The following POR variants were observed in gnomAD, a reference collection of about 807,000 sequenced individuals.
POR encodes NADPH--cytochrome P450 reductase.
A neutral mutation model predicts 84.0 loss-of-function variants in POR; 56 were observed. The ratio of observed to expected loss-of-function variants is 0.67; its 90% CI spans 0.54 to 0.83. The LOEUF (loss-of-function observed/expected upper bound fraction) is 0.83. POR is among the 40% of genes least tolerant of loss of function. The pLI, the probability that POR is intolerant of heterozygous loss-of-function variation, is 0.00. For synonymous variants in POR, 414 were observed against 400.5 expected (o/e 1.03, Z -0.40); for missense variants, 938 against 944.3 (o/e 0.99, Z 0.09).
intron 2 of POR, among the ~76,000 whole-genome samples, chr7:75,964,305 A>ATTTTTCTT (rs1788073921): frequency 6.7e-6 from 1 of 148,262 alleles, no homozygotes; most frequent in Non-Finnish European, 1.5e-5. Context: ...CAGCCTAAGC[A>ATTTTTCTT]TTTTTCTTTT....
intron 7 of POR, 119 bp downstream of exon 7, chr7:75,981,725 G>T: frequency 4.9e-6 from 4 of 808,266 alleles, no homozygotes; most frequent in Non-Finnish European, 7.7e-6. Flanking sequence ...TCCGTCATAG[G>T]GTCGAGGAGG....
chr7:75,944,860 T>G (rs959039641), intron 1 of POR, among the ~76,000 whole-genome samples: 15 of 151,766 alleles, frequency 9.9e-5, no homozygotes, highest in Middle Eastern at 3.2e-3. Flanking sequence ...CAACAGAAAA[T>G]AGACTGAAAA....
At chr7:75,967,914 T>C in intron 2 of POR, 1 of 391,060 alleles carries the variant, frequency 2.6e-6, no homozygotes, top group Non-Finnish European at 5.2e-6. Flanking sequence ...GAGAGGACTT[T>C]GGGGTGTCCA....
intron 2 of POR, among the ~76,000 whole-genome samples, chr7:75,957,245 G>A (rs1554553855): frequency 6.6e-6 from 1 of 152,152 alleles, no homozygotes; most frequent in African/African-American, 2.4e-5. Context: ...CCTGCAGGAG[G>A]GGTGTTGGGC....
At chr7:75,926,446 G>A (rs568951812) in intron 1 of POR, among the ~76,000 whole-genome samples, 1 of 152,162 alleles carries the variant, frequency 6.6e-6, no homozygotes, top group South Asian at 2.1e-4. Flanking sequence ...GCCATTGAGG[G>A]AGAAGCATTG....
chr7:75,932,726 T>A (rs1363617329), intron 1 of POR, among the ~76,000 whole-genome samples: 1 of 152,094 alleles, frequency 6.6e-6, no homozygotes, highest in East Asian at 1.9e-4. Context: ...AGACCGATCA[T>A]GTTAAAAACA....
intron 2 of POR, among the ~76,000 whole-genome samples, chr7:75,966,567 G>A (rs1376531231): frequency 2.6e-5 from 4 of 152,166 alleles, no homozygotes; most frequent in Non-Finnish European, 4.4e-5. Flanking sequence ...GGCAGTAGAC[G>A]CTAGGTTCTG....
chr7:75,918,818 G>A (rs975486989), intron 1 of POR: 2 of 152,144 alleles, frequency 1.3e-5, no homozygotes, highest in Non-Finnish European at 2.9e-5. Context: ...GGTCTTGGAG[G>A]ATTGCTAGGA....
chr7:75,922,324 T>G (rs1164848448), intron 1 of POR, among the ~76,000 whole-genome samples: 2 of 149,386 alleles, frequency 1.3e-5, no homozygotes, highest in Admixed American at 6.6e-5. Context: ...CTGTAGTTTT[T>G]TTTTTTTTTT....
At chr7:75,985,390 G>A (rs894596656) in intron 12 of POR, 183 bp downstream of exon 12, 2 of 1,131,668 alleles carry the variant, frequency 1.8e-6, no homozygotes, top group South Asian at 1.7e-5. Flanking sequence ...GAGATTCTCA[G>A]CATCTGTCCA....
chr7:75,935,619 TTGTGTG>T (rs57899780), intron 1 of POR, among the ~76,000 whole-genome samples: 5,446 of 131,268 alleles, frequency 0.041, 121 homozygotes, highest in Non-Finnish European at 0.047. Context: ...TGCTCGGGGC[TTGTGTG>T]TGTGTGTGTG....
rs575266451 is a variant in POR, at chr7:75,986,022, C to T, written c.1769C>T (p.Ala590Val). The change falls in exon 14 of 16, where the codon GCG becomes GTG. Residue 590 changes from alanine (A) to valine (V), a missense_variant. Physicochemically the swap from Ala to Val is moderately conservative, Grantham distance 64 (BLOSUM62 0). Transcript: ENST00000461988. The stretch of plus-strand genomic sequence containing the variant: ...CTGGCGCAGTTCCACAGGGACGGTG[C>T]GCTCACCCAGCTCAACGTGGCCTTC... The T allele has an allele frequency of 4.9e-5, 76 of 1,563,444 alleles. No homozygotes were observed. The highest frequency in any genetic ancestry group is 7.1e-5 in the South Asian group (6 of 85,060).
rs143914144 is a variant in POR, at chr7:75,969,008, C to T, written c.189-3405C>T. ...GGGCCGTTTTCTATTCCTGAGAAGA[C>T]AGCCCAGCTCGTCCAAGAGGCCTTT... On this transcript the variant is annotated intron_variant, in intron 2 of 15. Transcript: ENST00000461988. Among the ~76,000 whole-genome samples, 10 of 152,378 alleles carry T rather than the reference C, an allele frequency of 6.6e-5. No individual in the cohort carries two copies. In the East Asian group the frequency reaches 9.6e-4, roughly 15 times the overall value.
intron 6 of POR, 108 bp from the exon 7 acceptor site, chr7:75,981,409 C>T (rs781991982): frequency 3.1e-4 from 383 of 1,253,014 alleles, no homozygotes; most frequent in Non-Finnish European, 4.2e-4. Context: ...CCAGGGTGCA[C>T]AGTCCTGAGC....
In POR at chr7:75,981,061, G is replaced by C. The variant is rs1788991599; in HGVS notation, c.530G>C (p.Gly177Ala). 6.3e-7 allele frequency: 1 copy of C among 1,574,984 alleles called. No homozygotes were observed. Among genetic ancestry groups the C allele is most frequent in the African/African-American group, 1.4e-5 (1 of 74,046 alleles). ...GTGTCCACGCAGGTGTTTGGTCTTG[G>C]GAACAAGACCTACGAGCACTTCAAT... The change falls in exon 6 of 16, where the codon GGG becomes GCG. Residue 177 changes from glycine to alanine, a missense_variant. Transcript: ENST00000461988.
intron 4 of POR, 112 bp from the exon 5 acceptor site, chr7:75,980,227 T>C (rs1788935444): frequency 7.7e-7 from 1 of 1,295,520 alleles, no homozygotes; most frequent in Admixed American, 2.3e-5. Flanking sequence ...CACTCAGACA[T>C]CCCTGGCCTG....
intron 1 of POR, among the ~76,000 whole-genome samples, chr7:75,924,925 A>G (rs1307786129): frequency 2.0e-5 from 3 of 152,140 alleles, no homozygotes; most frequent in Admixed American, 6.6e-5. Flanking sequence ...TGGCATATCT[A>G]GGTTTTGAAC....
At chr7:75,960,506 C>T (rs186863543) in intron 2 of POR, among the ~76,000 whole-genome samples, 3 of 152,036 alleles carry the variant, frequency 2.0e-5, no homozygotes, top group African/African-American at 7.2e-5. Flanking sequence ...GACATGGTCT[C>T]GCTCTGTTGC....
At chr7:75,922,810 C>A (rs1806943260) in intron 1 of POR, 2 of 486,688 alleles carry the variant, frequency 4.1e-6, no homozygotes, top group Non-Finnish European at 3.7e-6. Flanking sequence ...CTCCTGAAAG[C>A]AGAAGGCTTA....
Sources: allele counts gnomAD v4.1 joint callset (sites outside exome capture counted in the v4.1 genomes callset), GRCh38; gene constraint gnomAD v4.1.1; transcripts MANE v1.5; gene names NCBI Gene and HGNC (gene_info 2026-07-23, HGNC 2026-07-21).